The following USH1G variants were observed in gnomAD, a reference collection of about 807,000 sequenced individuals.
USH1G encodes the protein pre-mRNA splicing regulator USH1G.
Under a neutral mutation model 31.9 loss-of-function variants are expected in USH1G, and 27 were observed. The observed-to-expected ratio is 0.85, with a 90% CI of 0.62 to 1.17. The LOEUF (loss-of-function observed/expected upper bound fraction) is 1.17, where lower values mean the gene tolerates loss of function less well. USH1G is among the 50% of genes most tolerant of loss of function. USH1G has a pLI of 0.00. For synonymous variants in USH1G, 266 were observed against 283.2 expected (o/e 0.94, Z 0.61); for missense variants, 674 against 638.9 (o/e 1.05, Z -0.59).
chr17:74,923,087 G>C lies in USH1G; in HGVS notation c.-14C>G, dbSNP rs2038965932. ...CTGGTCGTTCATGGCGCCCGAAGTG[G>C]ACGGGGCGGGCGGGGGACACGGAGA... On this transcript the variant is annotated 5_prime_UTR_variant, in exon 1 of 3. Coordinates refer to ENST00000614341, the MANE Select transcript of USH1G (RefSeq NM_173477.5). This position sits in a 1 kb window ranked among gnomAD's most constrained non-coding sequence, Gnocchi z 5.3. 3 of 1,569,852 alleles carry C rather than the reference G, an allele frequency of 1.9e-6. No homozygotes were observed. The African/African-American group carries it at 4.0e-5, about 21-fold the overall frequency.
Position 74,923,157 on chromosome 17 carries a change from G to A in USH1G, c.-84C>T, listed in dbSNP as rs1366260915. ...GGCGGCGGTATTAGGGCTGAGGCATGAGGTTGGAGGACGGGGCCGGGCAGG... is the reference window on the plus strand; with the variant it reads ...GGCGGCGGTATTAGGGCTGAGGCATAAGGTTGGAGGACGGGGCCGGGCAGG... On this transcript the variant is annotated 5_prime_UTR_variant, in exon 1 of 3. Transcript: ENST00000614341. This position sits in a 1 kb window ranked among gnomAD's most constrained non-coding sequence, Gnocchi z 5.3. The A allele has an allele frequency of 1.5e-6, 2 of 1,339,932 alleles. No homozygotes were observed. Among genetic ancestry groups the A allele is most frequent in the South Asian group, 1.6e-5 (1 of 64,292 alleles). The allele number at this position is 1,339,932 out of a possible 1,614,324, so 83.0% of individuals were successfully genotyped here.
rs1421420804 is a variant in USH1G, at chr17:74,921,163, G to C, written c.165-492C>G. On this transcript the variant is annotated intron_variant, in intron 1 of 2. Coordinates refer to ENST00000614341, the MANE Select transcript of USH1G (RefSeq NM_173477.5). This position sits in a 1 kb window ranked among gnomAD's most constrained non-coding sequence, Gnocchi z 4.6. ...TGCCGGGCCCCAGCCCCGGGTGAGC[G>C]TGTGTGAAGTGTGGGCTTGCATGTC... 1.3e-5 allele frequency among the ~76,000 whole-genome samples: 2 copies of C among 152,112 alleles called. No individual in the cohort carries two copies. Among genetic ancestry groups the C allele is most frequent in the Non-Finnish European group, 2.9e-5 (2 of 67,998 alleles).
chr17:74,919,327 C>G lies in USH1G; in HGVS notation c.1382+127G>C. On this transcript the variant is annotated intron_variant, in intron 2 of 2. Coordinates refer to ENST00000614341, the MANE Select transcript of USH1G (RefSeq NM_173477.5). The surrounding 1 kb of genome is among the most constrained non-coding windows in gnomAD (Gnocchi z 4.5). ...TAAGGGTGCCTTTTATCATCGATGG[C>G]CTCATTTCGATTTTATGAAATACAG... The G allele has an allele frequency of 7.2e-7, 1 of 1,391,706 alleles. No homozygotes were observed. Among genetic ancestry groups the G allele is most frequent in the South Asian group, 1.5e-5 (1 of 65,910 alleles). The allele number at this position is 1,391,706 out of a possible 1,614,324, so 86.2% of individuals were successfully genotyped here.
rs1231739192 is a variant in USH1G, at chr17:74,916,458, C to T, written c.*1615G>A. 6.6e-6 allele frequency: 1 copy of T among 152,162 alleles called. No homozygotes were observed. Among genetic ancestry groups the T allele is most frequent in the Non-Finnish European group, 1.5e-5 (1 of 68,028 alleles). The allele number at this position is 152,162 out of a possible 1,614,324, so 9.4% of individuals were successfully genotyped here. On this transcript the variant is annotated 3_prime_UTR_variant, in exon 3 of 3. Coordinates refer to ENST00000614341, the MANE Select transcript of USH1G (RefSeq NM_173477.5). ...ACCCCCAGACAGACCAGAAAGAGGC[C>T]TTTGAGGGCTCTCTTTCCCCTGCCC...
rs185144732 is a variant in USH1G, at chr17:74,922,792, C to T, written c.164+118G>A. 2,603 of 1,219,856 alleles carry T rather than the reference C, an allele frequency of 2.1e-3. 39 individuals are homozygous for T. The African/African-American group carries it at 0.034, about 16-fold the overall frequency. 75.6% of individuals were successfully genotyped at this position (1,219,856 alleles called of 1,614,324 possible). On this transcript the variant is annotated intron_variant, in intron 1 of 2. Transcript: ENST00000614341. ...CCTCAACATGTGTCTCTCCCACAAA[C>T]GCCAGGGTCTAAGGGTCCGCCTGTC...
chr17:74,920,053 G>C lies in USH1G; in HGVS notation c.783C>G (p.Tyr261Ter). The C allele has an allele frequency of 1.9e-6, 3 of 1,609,470 alleles. No individual in the cohort carries two copies. Among genetic ancestry groups the C allele is most frequent in the Non-Finnish European group, 2.5e-6 (3 of 1,179,686 alleles). ...CTCGGCCCCACTCCTTGGGATTGGC[G>C]TAGGTGCCCTGGCGCACGAACATCA... ...SDVMFVRQGTYANPKEWGRAP... is the reference protein window; with the variant it reads ...SDVMFVRQGT Residue 261 changes from tyrosine (Y) to a stop codon, truncating the protein, a stop_gained, in exon 2 of 3, where the codon TAC becomes TAG. Coordinates refer to ENST00000614341, the MANE Select transcript of USH1G (RefSeq NM_173477.5). LOFTEE classifies it high-confidence loss of function. This position sits in a 1 kb window ranked among gnomAD's most constrained non-coding sequence, Gnocchi z 5.2.
rs898830691 is a variant in USH1G at position 74,921,092 on chromosome 17, C to T, written c.165-421G>A. Among the ~76,000 whole-genome samples, 9 of 152,210 alleles carry T rather than the reference C, an allele frequency of 5.9e-5. No individual in the cohort carries two copies. The highest frequency in any genetic ancestry group is 3.9e-4 in the Admixed American group (6 of 15,310). ...GCAGGCGTGGTGGTGAGTGTGGCTG[C>T]GTGTGCCGAGTGACCGTAAAAGAGA... On this transcript the variant is annotated intron_variant, in intron 1 of 2. Transcript: ENST00000614341. This position sits in a 1 kb window ranked among gnomAD's most constrained non-coding sequence, Gnocchi z 4.6.
In USH1G at chr17:74,918,132, C is replaced by T; in HGVS notation, c.1383-56G>A. The T allele has an allele frequency of 6.2e-7, 1 of 1,609,762 alleles. No individual in the cohort carries two copies. The highest frequency in any genetic ancestry group is 8.5e-7 in the Non-Finnish European group (1 of 1,177,754). On this transcript the variant is annotated intron_variant, in intron 2 of 2. Coordinates refer to ENST00000614341, the MANE Select transcript of USH1G (RefSeq NM_173477.5). This position sits in a 1 kb window ranked among gnomAD's most constrained non-coding sequence, Gnocchi z 4.1. Reference sequence around the variant, plus strand: ...CTCACATGAGGCCCTCCAGAGGCATCATTTTCACCCAGGGCAGCCATCTGG... The same window carrying T: ...CTCACATGAGGCCCTCCAGAGGCATTATTTTCACCCAGGGCAGCCATCTGG...
rs1445660837 is a variant in USH1G at position 74,920,068 on chromosome 17, C to T, written c.768G>A (p.Val256=). 6.2e-7 allele frequency: 1 copy of T among 1,607,322 alleles called. No homozygotes were observed. The highest frequency in any genetic ancestry group is 2.2e-5 in the East Asian group (1 of 44,850). ...GLQLGSDVMF[V]RQGTYANPKE... ...TGGGATTGGCGTAGGTGCCCTGGCG[C>T]ACGAACATCACGTCGCTGCCCAGCT... Residue 256 remains valine (V), a synonymous_variant, in exon 2 of 3, where the codon GTG becomes GTA. Transcript: ENST00000614341. The surrounding 1 kb of genome is among the most constrained non-coding windows in gnomAD (Gnocchi z 5.2).
rs1223121308 is a variant in USH1G at position 74,920,479 on chromosome 17, G to A, written c.357C>T (p.Ser119=). 2.2e-5 allele frequency: 35 copies of A among 1,613,676 alleles called. No individual in the cohort carries two copies. Among genetic ancestry groups the A allele is most frequent in the Non-Finnish European group, 2.9e-5 (34 of 1,180,036 alleles). Reference sequence around the variant, plus strand: ...TGAGGCTGCTCTGCTTGGCCGCGATGGAGTCCAGGTAGCGCACGCATTCCA... The same window carrying A: ...TGAGGCTGCTCTGCTTGGCCGCGATAGAGTCCAGGTAGCGCACGCATTCCA... ...GHMECVRYLD[S]IAAKQSSLNP... The change falls in exon 2 of 3, where the codon TCC becomes TCT. Residue 119 remains serine (S), a synonymous_variant. Transcript: ENST00000614341. The surrounding 1 kb of genome is among the most constrained non-coding windows in gnomAD (Gnocchi z 5.2).
chr17:74,917,766 C>A lies in USH1G; in HGVS notation c.*307G>T. On this transcript the variant is annotated 3_prime_UTR_variant, in exon 3 of 3. Coordinates refer to ENST00000614341, the MANE Select transcript of USH1G (RefSeq NM_173477.5). Reference sequence around the variant, plus strand: ...CCCACACTCTCATCCAGTTCCGATGCCCCTGCCCTCCCTCTGGGGCAGGCC... The same window carrying A: ...CCCACACTCTCATCCAGTTCCGATGACCCTGCCCTCCCTCTGGGGCAGGCC... The A allele has an allele frequency of 2.1e-6, 1 of 475,168 alleles. No homozygotes were observed. The highest frequency in any genetic ancestry group is 2.3e-5 in the South Asian group (1 of 42,612). The allele number at this position is 475,168 out of a possible 1,614,324, so 29.4% of individuals were successfully genotyped here.
In USH1G at chr17:74,923,175, C is replaced by CGGGCAG. The variant is rs1272117575; in HGVS notation, c.-108_-103dup. ...GAGGCATGAGGTTGGAGGACGGGGC[C>CGGGCAG]GGGCAGGGGCCGGGGCCGCCAGCCC... On this transcript the variant is annotated 5_prime_UTR_variant, in exon 1 of 3. Transcript: ENST00000614341. This position sits in a 1 kb window ranked among gnomAD's most constrained non-coding sequence, Gnocchi z 5.3. 3 of 1,109,984 alleles carry CGGGCAG rather than the reference C, an allele frequency of 2.7e-6. No homozygotes were observed. In the African/African-American group the frequency reaches 5.0e-5, roughly 19 times the overall value. The allele number at this position is 1,109,984 out of a possible 1,614,324, so 68.8% of individuals were successfully genotyped here. A position where few individuals can be genotyped will look rare whatever the true frequency, so the allele number is the denominator to read the frequency against.
Position 74,920,319 on chromosome 17 carries a change from A to G in USH1G, c.517T>C (p.Ser173Pro). The change falls in exon 2 of 3, where the codon TCC becomes CCC. Residue 173 changes from serine to proline, a missense_variant. Coordinates refer to ENST00000614341, the MANE Select transcript of USH1G (RefSeq NM_173477.5). This position sits in a 1 kb window ranked among gnomAD's most constrained non-coding sequence, Gnocchi z 5.2. ...AGGCTGGAGAAGCTGAGGGTGTCGG[A>G]ACGCTCGGCCAGCTCGCGCCGGTAT... ...RRYRRELAERSDTLSFSSLTS... is the reference protein window; with the variant it reads ...RRYRRELAERPDTLSFSSLTS... 1.2e-6 allele frequency: 2 copies of G among 1,608,322 alleles called. No individual in the cohort carries two copies. Among genetic ancestry groups the G allele is most frequent in the Non-Finnish European group, 1.7e-6 (2 of 1,178,866 alleles).
In USH1G at chr17:74,920,248, G is replaced by A; in HGVS notation, c.588C>T (p.Gly196=). Residue 196 remains glycine (G), a synonymous_variant, in exon 2 of 3, where the codon GGC becomes GGT. Coordinates refer to ENST00000614341, the MANE Select transcript of USH1G (RefSeq NM_173477.5). This position sits in a 1 kb window ranked among gnomAD's most constrained non-coding sequence, Gnocchi z 5.2. ...LSRRLQHLAL[G]SHLPYSQATL... ...TGGCCTGAGAGTACGGCAGGTGGCT[G>A]CCCAGCGCCAGATGCTGCAGCCGGC... 15 of 1,602,322 alleles carry A rather than the reference G, an allele frequency of 9.4e-6. No homozygotes were observed. The highest frequency in any genetic ancestry group is 1.2e-5 in the Non-Finnish European group (14 of 1,179,544).
In USH1G at chr17:74,916,932, CAT is replaced by C. The variant is rs1383383534; in HGVS notation, c.*1139_*1140del. 6.5e-6 allele frequency: 1 copy of C among 153,024 alleles called. No individual in the cohort carries two copies. Among genetic ancestry groups the C allele is most frequent in the East Asian group, 1.9e-4 (1 of 5,198 alleles). The allele number at this position is 153,024 out of a possible 1,614,324, so 9.5% of individuals were successfully genotyped here. A position where few individuals can be genotyped will look rare whatever the true frequency, so the allele number is the denominator to read the frequency against. On this transcript the variant is annotated 3_prime_UTR_variant, in exon 3 of 3. Transcript: ENST00000614341. ...GCATGCACACACACACATGCACACACATGCATGCACACACACAAACACGCACG... is the reference window on the plus strand; with the variant it reads ...GCATGCACACACACACATGCACACACGCATGCACACACACAAACACGCACG...
Position 74,916,800 on chromosome 17 carries a change from A to G in USH1G, c.*1273T>C, listed in dbSNP as rs574552627. 1 of 152,466 alleles carries G rather than the reference A, an allele frequency of 6.6e-6. No individual in the cohort carries two copies. The highest frequency in any genetic ancestry group is 6.5e-5 in the Admixed American group (1 of 15,298). 9.4% of individuals were successfully genotyped at this position (152,466 alleles called of 1,614,324 possible). On this transcript the variant is annotated 3_prime_UTR_variant, in exon 3 of 3. Coordinates refer to ENST00000614341, the MANE Select transcript of USH1G (RefSeq NM_173477.5). The stretch of plus-strand genomic sequence containing the variant: ...AGGTGAGCTCTCTTACCCCCGATCC[A>G]CGCAGAATCACGCAACAGCCCAGTC...
At position 74,919,322 on chromosome 17, in the gene USH1G, G is replaced by C; in HGVS notation, c.1382+132C>G. 1.5e-6 allele frequency: 2 copies of C among 1,370,930 alleles called. No individual in the cohort carries two copies. The highest frequency in any genetic ancestry group is 9.6e-7 in the Non-Finnish European group (1 of 1,040,164). The allele number at this position is 1,370,930 out of a possible 1,614,324, so 84.9% of individuals were successfully genotyped here. On this transcript the variant is annotated intron_variant, in intron 2 of 2. Transcript: ENST00000614341. The surrounding 1 kb of genome is among the most constrained non-coding windows in gnomAD (Gnocchi z 4.5). The stretch of plus-strand genomic sequence containing the variant: ...TAAAATAAGGGTGCCTTTTATCATC[G>C]ATGGCCTCATTTCGATTTTATGAAA...
In USH1G at chr17:74,920,852, G is replaced by T. The variant is rs2038934886; in HGVS notation, c.165-181C>A. On this transcript the variant is annotated intron_variant, in intron 1 of 2. Coordinates refer to ENST00000614341, the MANE Select transcript of USH1G (RefSeq NM_173477.5). This position sits in a 1 kb window ranked among gnomAD's most constrained non-coding sequence, Gnocchi z 5.2. ...CTGAGCCACCCAACAGGTGAGCCCA[G>T]GGGTGAGCCCAGGGGAAAATGGCCT... Among the ~76,000 whole-genome samples, 2 of 152,148 alleles carry T rather than the reference G, an allele frequency of 1.3e-5. No homozygotes were observed. The highest frequency in any genetic ancestry group is 1.3e-4 in the Admixed American group (2 of 15,290).
chr17:74,920,755 T>C lies in USH1G; in HGVS notation c.165-84A>G, dbSNP rs867804627. 23 of 1,547,240 alleles carry C rather than the reference T, an allele frequency of 1.5e-5. No individual in the cohort carries two copies. The Middle Eastern group carries it at 1.5e-3, about 103-fold the overall frequency. ...AGGGAGTGGAGGGGGGAGGGGAGCT[T>C]CCCCACTGTCACAGCAACCCCCAAA... On this transcript the variant is annotated intron_variant, in intron 1 of 2. Transcript: ENST00000614341. The surrounding 1 kb of genome is among the most constrained non-coding windows in gnomAD (Gnocchi z 5.2).
Sources: gnomAD v4.1 joint callset for allele counts (sites outside exome capture counted in the v4.1 genomes callset) on GRCh38, gnomAD v4.1.1 for gene constraint, Gnocchi (gnomAD v3.1) non-coding constraint, MANE v1.5 for transcripts, NCBI Gene and HGNC (gene_info 2026-07-23, HGNC 2026-07-21) for gene names.